The following KCMF1 variants were observed in gnomAD, a reference collection of about 807,000 sequenced individuals.
KCMF1 encodes potassium channel modulatory factor 1, also known as E3 ubiquitin-protein ligase KCMF1.
In KCMF1, 3 loss-of-function variants were observed where a neutral mutation model predicts 41.1. That is an observed-to-expected ratio of 0.07 (90% CI 0.03 to 0.19). KCMF1 has a LOEUF of 0.19. Ranked by LOEUF, KCMF1 falls within the 10% of genes least tolerant of loss-of-function variation. The pLI, the probability that KCMF1 is intolerant of heterozygous loss-of-function variation, is 1.00. For synonymous variants in KCMF1, 142 were observed against 164.5 expected (o/e 0.86, Z 1.04); for missense variants, 286 against 488.9 (o/e 0.58, Z 3.91).
chr2:84,988,138 A>G (rs914299307), intron 1 of KCMF1, among the ~76,000 whole-genome samples: 8 of 152,158 alleles, frequency 5.3e-5, no homozygotes, highest in African/African-American at 1.9e-4. Context: ...AGGCTGAGGC[A>G]GGAGAATCAC....
At position 85,027,993 on chromosome 2, in the gene KCMF1, GCAA is replaced by G. The variant is rs1343862703; in HGVS notation, c.131_133del (p.Thr44del). ...TTGTGCATCTTGTTATGAAAGTGGT[GCAA>G]CAACAACAAGGCATACAACTGACCA... On this transcript the variant is annotated inframe_deletion, in exon 2 of 7. Transcript: ENST00000409785. 12 of 1,612,334 alleles carry G rather than the reference GCAA, an allele frequency of 7.4e-6. No individual in the cohort carries two copies. Among genetic ancestry groups the G allele is most frequent in the Non-Finnish European group, 9.3e-6 (11 of 1,178,596 alleles).
chr2:85,050,801 T>C (rs1675789395), intron 6 of KCMF1, among the ~76,000 whole-genome samples: 1 of 152,250 alleles, frequency 6.6e-6, no homozygotes, highest in African/African-American at 2.4e-5. Context: ...TATGTTTCTT[T>C]TATCTCATAC....
At chr2:85,050,518 T>G (rs1028894810) in intron 6 of KCMF1, among the ~76,000 whole-genome samples, 1 of 152,228 alleles carries the variant, frequency 6.6e-6, no homozygotes, top group African/African-American at 2.4e-5. Flanking sequence ...CTGAAACTGT[T>G]AGCAACTGCA....
intron 1 of KCMF1, among the ~76,000 whole-genome samples, chr2:84,992,872 G>A (rs531292074): frequency 7.9e-5 from 12 of 152,122 alleles, no homozygotes; most frequent in African/African-American, 2.9e-4. Flanking sequence ...CGCCCGCCTC[G>A]GCCTCCCAAA....
intron 1 of KCMF1, among the ~76,000 whole-genome samples, chr2:84,979,646 TAA>T (rs1208952896): frequency 2.0e-5 from 3 of 152,114 alleles, no homozygotes; most frequent in Admixed American, 1.3e-4. Flanking sequence ...CTGTTCCTAA[TAA>T]AAGTCTTTTT....
intron 1 of KCMF1, among the ~76,000 whole-genome samples, chr2:84,979,826 AT>A (rs201197085): frequency 2.8e-3 from 411 of 145,294 alleles, no homozygotes; most frequent in African/African-American, 7.1e-3. Flanking sequence ...AAATTTGGTA[AT>A]TTTTTTTTTT....
Position 85,038,920 on chromosome 2 carries a change from G to A in KCMF1, c.324+3765G>A, listed in dbSNP as rs568569705. 1.7e-4 allele frequency among the ~76,000 whole-genome samples: 26 copies of A among 152,282 alleles called. No individual in the cohort carries two copies. The East Asian group carries it at 2.1e-3, about 12-fold the overall frequency. On this transcript the variant is annotated intron_variant, in intron 3 of 6. Coordinates refer to ENST00000409785, the MANE Select transcript of KCMF1 (RefSeq NM_020122.5). The stretch of plus-strand genomic sequence containing the variant: ...ATTTTGGTAGAGACTTCGTCTCACC[G>A]TGTGGCCCAGGCTGGTCTCAAACTC...
rs1244723426 is a variant in KCMF1 at position 85,058,915 on chromosome 2, G to A, written c.*5506G>A. The A allele has an allele frequency of 9.2e-5, 14 of 152,168 alleles. No homozygotes were observed. Among genetic ancestry groups the A allele is most frequent in the Admixed American group, 9.2e-4 (14 of 15,284 alleles). 9.4% of individuals were successfully genotyped at this position (152,168 alleles called of 1,614,324 possible). ...CATCCTCTTCTGTAAGCTGGATGGA[G>A]TCCCAGCTCTCTCTCCTTGTATATA... On this transcript the variant is annotated 3_prime_UTR_variant, in exon 7 of 7. Transcript: ENST00000409785.
At chr2:85,050,775 T>C (rs1348762770) in intron 6 of KCMF1, among the ~76,000 whole-genome samples, 1 of 152,208 alleles carries the variant, frequency 6.6e-6, no homozygotes, top group Non-Finnish European at 1.5e-5. Context: ...TAGAGGAAAA[T>C]ATTATAATTT....
intron 1 of KCMF1, among the ~76,000 whole-genome samples, chr2:84,987,243 G>T (rs906881546): frequency 6.6e-6 from 1 of 152,228 alleles, no homozygotes; most frequent in Admixed American, 6.5e-5. Context: ...GGAAGGAGTA[G>T]TGCATTAAAA....
intron 1 of KCMF1, among the ~76,000 whole-genome samples, chr2:85,001,624 A>G (rs746191321): frequency 1.3e-4 from 20 of 152,216 alleles, no homozygotes; most frequent in Non-Finnish European, 2.5e-4. Context: ...AAATGCCAGT[A>G]GAGCCCCTAA....
At position 84,971,282 on chromosome 2, in the gene KCMF1, CCG is replaced by C; in HGVS notation, c.-168_-167del. Reference sequence around the variant, plus strand: ...ATTCCCGCCCCGCGCCGCCTCCCCGCCGCCGCCGCCGCCGCCGCCGCGGGAGC... The same window carrying C: ...ATTCCCGCCCCGCGCCGCCTCCCCGCCCGCCGCCGCCGCCGCCGCGGGAGC... On this transcript the variant is annotated 5_prime_UTR_variant, in exon 1 of 7. Coordinates refer to ENST00000409785, the MANE Select transcript of KCMF1 (RefSeq NM_020122.5). 1.2e-5 allele frequency: 2 copies of C among 165,428 alleles called. No individual in the cohort carries two copies. The highest frequency in any genetic ancestry group is 2.4e-5 in the Non-Finnish European group (2 of 82,464). 10.2% of individuals were successfully genotyped at this position (165,428 alleles called of 1,614,324 possible). A position where few individuals can be genotyped will look rare whatever the true frequency, so the allele number is the denominator to read the frequency against.
chr2:85,034,901 C>A, intron 2 of KCMF1, 115 bp from the exon 3 acceptor site: 1 of 844,472 alleles, frequency 1.2e-6, no homozygotes, highest in Non-Finnish European at 1.8e-6. Context: ...GGATTGCAGG[C>A]ATGAACCACT....
At position 84,981,060 on chromosome 2, in the gene KCMF1, G is replaced by GA. The variant is rs34832404; in HGVS notation, c.16+9604dup. 4.0e-3 allele frequency among the ~76,000 whole-genome samples: 579 copies of GA among 145,810 alleles called. 9 individuals carry two copies. Among genetic ancestry groups the GA allele is most frequent in the Non-Finnish European group, 1.6e-3 (107 of 65,928 alleles). On this transcript the variant is annotated intron_variant, in intron 1 of 6. Coordinates refer to ENST00000409785, the MANE Select transcript of KCMF1 (RefSeq NM_020122.5). ...CCCTGTAACTTAATCACTGCTACTAGAAAAAAAAAAACTGAGATCAGAAGA... is the reference window on the plus strand; with the variant it reads ...CCCTGTAACTTAATCACTGCTACTAGAAAAAAAAAAAACTGAGATCAGAAGA...
chr2:85,010,356 C>G (rs1674622458), intron 1 of KCMF1, among the ~76,000 whole-genome samples: 1 of 152,128 alleles, frequency 6.6e-6, no homozygotes. Context: ...GTAACCCTAG[C>G]TACTTGGGTG....
At chr2:84,997,230 C>T (rs1674198046) in intron 1 of KCMF1, among the ~76,000 whole-genome samples, 5 of 151,984 alleles carry the variant, frequency 3.3e-5, no homozygotes, top group Admixed American at 3.3e-4. Flanking sequence ...CATAAAATTG[C>T]TTGTTTCTTC....
rs1271135402 is a variant in KCMF1, at chr2:85,054,894, G to A, written c.*1485G>A. ...TTCAACATGACAAGCATACAGACTTGAACACCCCTCCGGTGTTCTTCCGAG... is the reference window on the plus strand; with the variant it reads ...TTCAACATGACAAGCATACAGACTTAAACACCCCTCCGGTGTTCTTCCGAG... On this transcript the variant is annotated 3_prime_UTR_variant, in exon 7 of 7. Transcript: ENST00000409785. The A allele has an allele frequency of 6.6e-6, 1 of 151,884 alleles. No homozygotes were observed. Among genetic ancestry groups the A allele is most frequent in the Non-Finnish European group, 1.5e-5 (1 of 68,012 alleles). 9.4% of individuals were successfully genotyped at this position (151,884 alleles called of 1,614,324 possible).
chr2:85,002,714 G>C (rs1283791098), intron 1 of KCMF1, among the ~76,000 whole-genome samples: 1 of 151,726 alleles, frequency 6.6e-6, no homozygotes, highest in Non-Finnish European at 1.5e-5. Context: ...ACAGAGAACT[G>C]AGTGTACTGC....
At chr2:85,023,997 A>T (rs572883890) in intron 1 of KCMF1, among the ~76,000 whole-genome samples, 10 of 152,190 alleles carry the variant, frequency 6.6e-5, no homozygotes, top group African/African-American at 2.4e-4. Flanking sequence ...CTGGCCATTT[A>T]TGTTTGTTGT....
Sources: gnomAD v4.1 joint callset for allele counts (sites outside exome capture counted in the v4.1 genomes callset) on GRCh38, gnomAD v4.1.1 for gene constraint, MANE v1.5 for transcripts, NCBI Gene and HGNC (gene_info 2026-07-23, HGNC 2026-07-21) for gene names.